Variants in CACNA2D3 observed in about 807,000 individuals in gnomAD.
CACNA2D3 encodes calcium voltage-gated channel auxiliary subunit alpha2delta 3.
In CACNA2D3, 60 loss-of-function variants were observed where a neutral mutation model predicts 160.6. The ratio of observed to expected loss-of-function variants is 0.37; its 90% CI spans 0.30 to 0.46. The LOEUF (loss-of-function observed/expected upper bound fraction) is 0.46. Ranked by LOEUF, CACNA2D3 falls within the 20% of genes least tolerant of loss-of-function variation. The probability of loss-of-function intolerance (pLI) is 1.00; values close to 1 mark genes in which losing one functional copy is unlikely to be tolerated. For missense variants in CACNA2D3, 1,205 were observed against 1,365.0 expected (o/e 0.88, Z 1.85); for synonymous variants, 558 against 492.9 (o/e 1.13, Z -1.75).
chr3:54,386,864 G>C, intron 4 of CACNA2D3, 90 bp downstream of exon 4: 7 of 1,202,360 alleles, frequency 5.8e-6, no homozygotes, highest in Non-Finnish European at 5.9e-6. Flanking sequence ...ATTTTTCAGT[G>C]ATTGGGAGGG....
intron 13 of CACNA2D3, among the ~76,000 whole-genome samples, chr3:54,782,586 C>T (rs1702556499): frequency 6.6e-6 from 1 of 152,018 alleles, no homozygotes; most frequent in Non-Finnish European, 1.5e-5. Flanking sequence ...ATGTGTTTCC[C>T]TTCCCAGCAG....
chr3:54,605,196 C>A (rs1698575899), intron 9 of CACNA2D3, among the ~76,000 whole-genome samples: 3 of 152,290 alleles, frequency 2.0e-5, no homozygotes, highest in Admixed American at 2.0e-4. Flanking sequence ...GGGGTCCAAC[C>A]TACTCCAGTG....
chr3:54,432,439 T>C (rs1484907363), intron 4 of CACNA2D3, among the ~76,000 whole-genome samples: 1 of 152,186 alleles, frequency 6.6e-6, no homozygotes, highest in Admixed American at 6.5e-5. Flanking sequence ...AATTCTAGAA[T>C]ACAATGTTTT....
At chr3:54,265,641 A>AGTGTGTATATATAGT (rs1702493211) in intron 2 of CACNA2D3, among the ~76,000 whole-genome samples, 1 of 147,230 alleles carries the variant, frequency 6.8e-6, no homozygotes, top group Non-Finnish European at 1.5e-5. Context: ...GTATATATAT[A>AGTGTGTATATATAGT]GTGTGTATAT....
At chr3:54,219,858 A>G (rs1701533680) in intron 2 of CACNA2D3, among the ~76,000 whole-genome samples, 1 of 152,180 alleles carries the variant, frequency 6.6e-6, no homozygotes, top group African/African-American at 2.4e-5. Context: ...ATCTGGAAAC[A>G]TGCTAACAAG....
chr3:54,850,143 G>A (rs1251549591), intron 17 of CACNA2D3, among the ~76,000 whole-genome samples: 4 of 152,054 alleles, frequency 2.6e-5, no homozygotes, highest in Admixed American at 6.6e-5. Context: ...TTCTGTCCTC[G>A]CCACCAGCTT....
chr3:54,200,704 A>T (rs2107348688), intron 2 of CACNA2D3, among the ~76,000 whole-genome samples: 1 of 152,300 alleles, frequency 6.6e-6, no homozygotes, highest in South Asian at 2.1e-4. Flanking sequence ...TAATTGCCAG[A>T]GTAGGAACAA....
chr3:54,376,700 T>G (rs758246895), intron 3 of CACNA2D3, among the ~76,000 whole-genome samples: 35 of 151,752 alleles, frequency 2.3e-4, no homozygotes, highest in Admixed American at 1.4e-3. Context: ...ATCATCATCA[T>G]CAGCAGCAGC....
At chr3:54,529,100 C>G (rs1559505243) in intron 5 of CACNA2D3, among the ~76,000 whole-genome samples, 1 of 152,202 alleles carries the variant, frequency 6.6e-6, no homozygotes, top group African/African-American at 2.4e-5. Context: ...TGATGGAACT[C>G]AGTCCTCTGA....
At chr3:54,923,609 G>T (rs1251624363) in intron 27 of CACNA2D3, among the ~76,000 whole-genome samples, 2 of 152,152 alleles carry the variant, frequency 1.3e-5, no homozygotes, top group Non-Finnish European at 1.5e-5. Context: ...CTCTGTGATG[G>T]TTAGGCACTG....
At chr3:54,457,357 T>C (rs548444708) in intron 4 of CACNA2D3, among the ~76,000 whole-genome samples, 5 of 152,228 alleles carry the variant, frequency 3.3e-5, no homozygotes, top group African/African-American at 1.2e-4. Flanking sequence ...TTACATGCAT[T>C]TGTATAGTTC....
At chr3:54,380,532 A>C (rs1699083988) in intron 3 of CACNA2D3, among the ~76,000 whole-genome samples, 1 of 152,106 alleles carries the variant, frequency 6.6e-6, no homozygotes, top group Admixed American at 6.6e-5. Context: ...AGGTCAGGAG[A>C]TGGAGACCAT....
In CACNA2D3 at chr3:54,495,932, C is replaced by G. The variant is rs540736092; in HGVS notation, c.382-7560C>G. Among the ~76,000 whole-genome samples the G allele has an allele frequency of 5.3e-5, 8 of 152,326 alleles. No individual in the cohort carries two copies. In the East Asian group the frequency reaches 1.5e-3, roughly 29 times the overall value. On this transcript the variant is annotated intron_variant, in intron 4 of 37. Coordinates refer to ENST00000474759, the MANE Select transcript of CACNA2D3 (RefSeq NM_018398.3). ...AAATCATGCATATGTACTCTTTTGT[C>G]TCTGGTTTCTTTTACTCAGAATGTT...
chr3:54,626,856 G>T (rs1415727063), intron 9 of CACNA2D3, among the ~76,000 whole-genome samples: 1 of 152,170 alleles, frequency 6.6e-6, no homozygotes, highest in Non-Finnish European at 1.5e-5. Context: ...CTGGGCATGA[G>T]CCTGAATTCG....
intron 2 of CACNA2D3, among the ~76,000 whole-genome samples, chr3:54,292,371 C>G (rs111724973): frequency 6.6e-6 from 1 of 151,970 alleles, no homozygotes; most frequent in Non-Finnish European, 1.5e-5. Context: ...TTCAAGAACA[C>G]TATCAAGAAA....
chr3:54,410,787 T>C (rs186360320), intron 4 of CACNA2D3, among the ~76,000 whole-genome samples: 1 of 152,304 alleles, frequency 6.6e-6, no homozygotes, highest in East Asian at 1.9e-4. Flanking sequence ...AATTTCAACT[T>C]TCAAGTCTTA....
intron 2 of CACNA2D3, among the ~76,000 whole-genome samples, chr3:54,277,093 C>T (rs1463380832): frequency 1.3e-5 from 2 of 152,250 alleles, no homozygotes; most frequent in Non-Finnish European, 2.9e-5. Context: ...AGTGTACCAT[C>T]CTGTCCTTCA....
At chr3:54,894,138 C>T (rs1427065176) in intron 25 of CACNA2D3, among the ~76,000 whole-genome samples, 3 of 152,188 alleles carry the variant, frequency 2.0e-5, no homozygotes, top group Non-Finnish European at 2.9e-5. Flanking sequence ...CAGCCTGACA[C>T]ACCACTGCAA....
chr3:54,153,256 C>T (rs1700184606), intron 2 of CACNA2D3, among the ~76,000 whole-genome samples: 1 of 152,214 alleles, frequency 6.6e-6, no homozygotes, highest in African/African-American at 2.4e-5. Context: ...TGTGAAAGCT[C>T]TGACCACAGC....
Sources: allele counts gnomAD v4.1 joint callset (sites outside exome capture counted in the v4.1 genomes callset), GRCh38; gene constraint gnomAD v4.1.1; transcripts MANE v1.5; gene names NCBI Gene and HGNC (gene_info 2026-07-23, HGNC 2026-07-21).